THSD7B: variants seen among roughly 807,000 people sequenced by gnomAD.
THSD7B encodes thrombospondin type-1 domain-containing protein 7B.
A neutral mutation model predicts 213.6 loss-of-function variants in THSD7B; 138 were observed. The observed-to-expected ratio is 0.65, with a 90% CI of 0.56 to 0.74. THSD7B has a LOEUF of 0.74. THSD7B is among the 30% of genes least tolerant of loss of function. The pLI is 0.00. For synonymous variants in THSD7B, 742 were observed against 687.0 expected (o/e 1.08, Z -1.25); for missense variants, 1,931 against 1,991.5 (o/e 0.97, Z 0.58).
intron 7 of THSD7B, among the ~76,000 whole-genome samples, chr2:137,174,583 T>C (rs1305331283): frequency 6.6e-6 from 1 of 152,180 alleles, no homozygotes; most frequent in African/African-American, 2.4e-5. Context: ...TCTACTTTGA[T>C]TTATTAGCAA....
At chr2:137,450,045 T>A (rs1162139527) in intron 14 of THSD7B, among the ~76,000 whole-genome samples, 1 of 152,212 alleles carries the variant, frequency 6.6e-6, no homozygotes, top group Non-Finnish European at 1.5e-5. Context: ...AGGAAATTGA[T>A]GGCCTCAGTT....
intron 1 of THSD7B, among the ~76,000 whole-genome samples, chr2:136,810,513 T>C (rs375098447): frequency 6.6e-6 from 1 of 152,194 alleles, no homozygotes; most frequent in Non-Finnish European, 1.5e-5. Context: ...AGTGAAACTA[T>C]AAAAGATACA....
chr2:137,599,139 T>G (rs912974694), intron 17 of THSD7B, among the ~76,000 whole-genome samples: 3 of 148,296 alleles, frequency 2.0e-5, no homozygotes, highest in African/African-American at 7.4e-5. Context: ...CGGTGTTTGG[T>G]TTTTTTTTCT....
chr2:137,641,211 A>T (rs989241909), intron 20 of THSD7B, among the ~76,000 whole-genome samples: 1 of 152,184 alleles, frequency 6.6e-6, no homozygotes, highest in Admixed American at 6.5e-5. Context: ...CCTTCTCACT[A>T]ATACTCTCTG....
chr2:137,523,620 T>G (rs1279892627), intron 15 of THSD7B, among the ~76,000 whole-genome samples: 1 of 152,196 alleles, frequency 6.6e-6, no homozygotes, highest in African/African-American at 2.4e-5. Context: ...CAATAGCCAT[T>G]CTTTTTTCCA....
At chr2:137,451,975 T>C in intron 15 of THSD7B, 1 of 637,888 alleles carries the variant, frequency 1.6e-6, no homozygotes, top group Non-Finnish European at 2.0e-6. Flanking sequence ...CCTCTATACA[T>C]GCTGTTTAAT....
At chr2:136,993,505 A>C (rs1471112310) in intron 2 of THSD7B, among the ~76,000 whole-genome samples, 1 of 152,246 alleles carries the variant, frequency 6.6e-6, no homozygotes, top group East Asian at 1.9e-4. Context: ...TAGAGCCTTT[A>C]GTATAACTGA....
At chr2:137,420,634 C>G (rs1686903645) in intron 14 of THSD7B, among the ~76,000 whole-genome samples, 1 of 152,204 alleles carries the variant, frequency 6.6e-6, no homozygotes, top group African/African-American at 2.4e-5. Flanking sequence ...TCATCACAAA[C>G]AGCTGGCAGA....
chr2:137,003,130 A>G (rs1222102303), intron 2 of THSD7B, among the ~76,000 whole-genome samples: 2 of 152,172 alleles, frequency 1.3e-5, no homozygotes, highest in African/African-American at 4.8e-5. Context: ...ATGATGACCT[A>G]CCTCATGAGA....
rs547491160 is a variant in THSD7B, at chr2:137,559,247, G to T, written c.3139-3974G>T. 3.2e-4 allele frequency among the ~76,000 whole-genome samples: 48 copies of T among 152,040 alleles called. No homozygotes were observed. The South Asian group carries it at 5.8e-3, about 18-fold the overall frequency. On this transcript the variant is annotated intron_variant, in intron 15 of 27. Coordinates refer to ENST00000409968, the MANE Select transcript of THSD7B (RefSeq NM_001316349.2). The stretch of plus-strand genomic sequence containing the variant: ...TTCATATGGAACCAAAAAAGAGCCC[G>T]CATTGCCAAGTCAATCCTAAGCCAA...
intron 7 of THSD7B, among the ~76,000 whole-genome samples, chr2:137,205,679 A>G (rs1169065875): frequency 6.6e-6 from 1 of 152,070 alleles, no homozygotes; most frequent in Non-Finnish European, 1.5e-5. Context: ...TCTTTCTACA[A>G]AAATCGAGGT....
chr2:137,446,984 C>G (rs999182618), intron 14 of THSD7B, among the ~76,000 whole-genome samples: 2 of 152,052 alleles, frequency 1.3e-5, no homozygotes, highest in African/African-American at 2.4e-5. Flanking sequence ...TGTGGTAAAA[C>G]TTATCCATTC....
At chr2:137,671,345 A>AGAT (rs1216563124) in intron 27 of THSD7B, among the ~76,000 whole-genome samples, 1 of 152,088 alleles carries the variant, frequency 6.6e-6, no homozygotes, top group Non-Finnish European at 1.5e-5. Context: ...TCTTTCTGAA[A>AGAT]GATAATTTTA....
At chr2:137,609,643 A>G (rs935469537) in intron 17 of THSD7B, among the ~76,000 whole-genome samples, 16 of 152,350 alleles carry the variant, frequency 1.1e-4, no homozygotes, top group Admixed American at 1.3e-4. Context: ...CCGATTGTGT[A>G]TAACTTTGTA....
intron 5 of THSD7B, among the ~76,000 whole-genome samples, chr2:137,132,681 CGATT>C (rs1362944968): frequency 6.6e-6 from 1 of 152,108 alleles, no homozygotes; most frequent in Admixed American, 6.6e-5. Context: ...GAAAGGAATT[CGATT>C]GATTGTCTGG....
chr2:136,769,575 G>A (rs1250151857), intron 1 of THSD7B, among the ~76,000 whole-genome samples: 5 of 150,130 alleles, frequency 3.3e-5, no homozygotes, highest in African/African-American at 1.3e-4. Context: ...AAGTCATCTG[G>A]CATCTATAAG....
intron 5 of THSD7B, among the ~76,000 whole-genome samples, chr2:137,120,284 T>C (rs1448746562): frequency 6.6e-6 from 1 of 152,060 alleles, no homozygotes; most frequent in East Asian, 1.9e-4. Context: ...CACAAGAGAA[T>C]TATTAACATG....
chr2:137,068,443 T>C (rs1462513153), intron 3 of THSD7B, among the ~76,000 whole-genome samples: 29 of 152,080 alleles, frequency 1.9e-4, no homozygotes, highest in Admixed American at 1.9e-3. Context: ...GTAACTTTCA[T>C]TGCCAAAAAC....
intron 1 of THSD7B, among the ~76,000 whole-genome samples, chr2:136,824,715 G>A (rs1350295578): frequency 4.6e-5 from 7 of 152,276 alleles, no homozygotes; most frequent in African/African-American, 7.2e-5. Flanking sequence ...TGTAAAAAAT[G>A]GATAAGGTGA....
Sources: gnomAD v4.1 joint callset for allele counts (sites outside exome capture counted in the v4.1 genomes callset) on GRCh38, gnomAD v4.1.1 for gene constraint, MANE v1.5 for transcripts, NCBI Gene and HGNC (gene_info 2026-07-23, HGNC 2026-07-21) for gene names.